The following KCNC4 variants were observed in gnomAD, a reference collection of about 807,000 sequenced individuals.
The protein encoded by KCNC4 is potassium voltage-gated channel subfamily C member 4.
In KCNC4, 23 loss-of-function variants were observed where a neutral mutation model predicts 42.8. The ratio of observed to expected loss-of-function variants is 0.54; its 90% CI spans 0.39 to 0.76. KCNC4 has a LOEUF of 0.76. Among genes scored for constraint, KCNC4 ranks in the 30% least tolerant of loss-of-function variants. KCNC4 has a pLI of 0.00. For missense variants in KCNC4, 751 were observed against 898.2 expected (o/e 0.84, Z 2.10); for synonymous variants, 422 against 393.5 (o/e 1.07, Z -0.86).
downstream of KCNC4, among the ~76,000 whole-genome samples, chr1:110,284,042 C>T (rs945017668): frequency 6.6e-6 from 1 of 152,100 alleles, no homozygotes; most frequent in Non-Finnish European, 1.5e-5. Context: ...CACAGGGATA[C>T]AAAGATCAAG....
chr1:110,212,172 G>T lies in KCNC4; in HGVS notation c.673G>T (p.Ala225Ser). The T allele has an allele frequency of 6.7e-7, 1 of 1,492,358 alleles. No homozygotes were observed. Among genetic ancestry groups the T allele is most frequent in the Non-Finnish European group, 8.8e-7 (1 of 1,137,918 alleles). 92.4% of individuals were successfully genotyped at this position (1,492,358 alleles called of 1,614,324 possible). A position where few individuals can be genotyped will look rare whatever the true frequency, so the allele number is the denominator to read the frequency against. Residue 225 changes from alanine to serine, a missense_variant, in exon 1 of 4, where the codon GCT becomes TCT. Ala to Ser is a moderately conservative substitution (Grantham distance 99). Coordinates refer to ENST00000438661, the MANE Select transcript of KCNC4 (RefSeq NM_001039574.3). The part of the protein sequence containing the change: ...LFEDPYSSRA[A>S]RVVAFASLFF... ...CGAGGATCCCTACTCCTCCCGGGCC[G>T]CTAGGGTGAGTGGCAGGAGCCCGTG...
At chr1:110,214,070 G>A (rs1657649948) in intron 1 of KCNC4, among the ~76,000 whole-genome samples, 1 of 152,194 alleles carries the variant, frequency 6.6e-6, no homozygotes, top group Non-Finnish European at 1.5e-5. Context: ...GAATGGCCAA[G>A]CCAGGGGGCC....
intron 1 of KCNC4, among the ~76,000 whole-genome samples, chr1:110,264,942 C>T (rs1490766259): frequency 6.6e-6 from 1 of 151,806 alleles, no homozygotes; most frequent in Non-Finnish European, 1.5e-5. Flanking sequence ...ATTGTCCAGG[C>T]ATGGTGGCAC....
At chr1:110,237,812 T>G (rs547380832), downstream of KCNC4, 5 of 152,276 alleles carry the variant, frequency 3.3e-5, no homozygotes, top group Non-Finnish European at 5.9e-5. Flanking sequence ...GTGTCTCCTC[T>G]AGTCTGGAGC....
exon 4 of KCNC4, chr1:110,242,126 C>T (rs1659044877): frequency 6.6e-6 from 1 of 152,468 alleles, no homozygotes; most frequent in African/African-American, 2.4e-5. Flanking sequence ...CTCACCCACG[C>T]CACCCTCACC....
intron 1 of KCNC4, among the ~76,000 whole-genome samples, chr1:110,279,182 T>C (rs1659779138): frequency 6.6e-6 from 1 of 152,190 alleles, no homozygotes; most frequent in Non-Finnish European, 1.5e-5. Context: ...CAGACATCAC[T>C]AATCATCACA....
downstream of KCNC4, among the ~76,000 whole-genome samples, chr1:110,254,097 G>T (rs982764864): frequency 7.4e-6 from 1 of 135,672 alleles, no homozygotes; most frequent in African/African-American, 2.7e-5. Flanking sequence ...AGTCGGGGGG[G>T]GGGCGGCGTT....
intron 1 of KCNC4, among the ~76,000 whole-genome samples, chr1:110,218,369 G>A (rs966484166): frequency 5.9e-5 from 9 of 152,148 alleles, no homozygotes; most frequent in African/African-American, 2.2e-4. Context: ...CGAACTCTCC[G>A]GTTCTTCGTA....
In KCNC4 at chr1:110,232,898, T is replaced by C. The variant is rs1658771099; in HGVS notation, c.1820-13T>C. ...GCGTCCCAGTGTCTCACACCTGTGCTCTTTAAACACAGAGACCTGCCAAGA... is the reference window on the plus strand; with the variant it reads ...GCGTCCCAGTGTCTCACACCTGTGCCCTTTAAACACAGAGACCTGCCAAGA... On this transcript the variant is annotated splice_polypyrimidine_tract_variant and intron_variant, in intron 3 of 3. Transcript: ENST00000438661. 3 of 1,608,832 alleles carry C rather than the reference T, an allele frequency of 1.9e-6. No homozygotes were observed. Among genetic ancestry groups the C allele is most frequent in the Admixed American group, 3.4e-5 (2 of 59,514 alleles).
At chr1:110,279,792 A>ATTTTTTTTTT (rs746438498) in intron 1 of KCNC4, among the ~76,000 whole-genome samples, 3 of 98,564 alleles carry the variant, frequency 3.0e-5, no homozygotes, top group African/African-American at 8.3e-5. Flanking sequence ...GGCTTTAGGA[A>ATTTTTTTTTT]TTTTTTTTTT....
In KCNC4 at chr1:110,223,174, C is replaced by T; in HGVS notation, c.889C>T (p.Leu297=). ...VCVLWFTLEF[L]VRIVCCPDTL... is the part of the protein sequence containing the mutation. Reference sequence around the variant, plus strand: ...TGTGCTGTGGTTCACACTGGAGTTCCTGGTGCGCATCGTGTGCTGCCCCGA... The same window carrying T: ...TGTGCTGTGGTTCACACTGGAGTTCTTGGTGCGCATCGTGTGCTGCCCCGA... Residue 297 remains leucine, a synonymous_variant, in exon 2 of 4, where the codon CTG becomes TTG. Transcript: ENST00000438661. This position sits in a 1 kb window ranked among gnomAD's most constrained non-coding sequence, Gnocchi z 7.5. The T allele has an allele frequency of 6.2e-7, 1 of 1,614,220 alleles. No individual in the cohort carries two copies. The highest frequency in any genetic ancestry group is 1.1e-5 in the South Asian group (1 of 91,086).
intron 1 of KCNC4, among the ~76,000 whole-genome samples, chr1:110,270,285 C>T (rs181589199): frequency 6.6e-6 from 1 of 152,284 alleles, no homozygotes; most frequent in Admixed American, 6.5e-5. Flanking sequence ...TGGAAATAAG[C>T]TGAGTGCAGA....
At chr1:110,242,719 GC>G (rs1334467973) in exon 4 of KCNC4, 2 of 152,246 alleles carry the variant, frequency 1.3e-5, no homozygotes, top group Non-Finnish European at 2.9e-5. Context: ...TTTACGACCA[GC>G]CCAAGCCCCC....
At chr1:110,283,202 C>T (rs889461450), downstream of KCNC4, 15 of 152,120 alleles carry the variant, frequency 9.9e-5, no homozygotes, top group African/African-American at 3.4e-4. Context: ...AGAGAGCAAG[C>T]GCTGACTACC....
rs1161518020 is a variant in KCNC4 at position 110,223,928 on chromosome 1, C to T, written c.1615+28C>T. The T allele has an allele frequency of 1.3e-6, 2 of 1,533,138 alleles. No homozygotes were observed. The highest frequency in any genetic ancestry group is 1.2e-5 in the South Asian group (1 of 81,442). 95.0% of individuals were successfully genotyped at this position (1,533,138 alleles called of 1,614,324 possible). A position where few individuals can be genotyped will look rare whatever the true frequency, so the allele number is the denominator to read the frequency against. Reference sequence around the variant, plus strand: ...GAGATTAGGGGTTGGGAAGGAAAATCCCTTTTCCCCCAGTGGCCTAGGGAG... The same window carrying T: ...GAGATTAGGGGTTGGGAAGGAAAATTCCTTTTCCCCCAGTGGCCTAGGGAG... On this transcript the variant is annotated intron_variant, in intron 2 of 3. Transcript: ENST00000438661. The surrounding 1 kb of genome is among the most constrained non-coding windows in gnomAD (Gnocchi z 7.5).
intron 1 of KCNC4, among the ~76,000 whole-genome samples, chr1:110,217,438 A>G (rs1229226027): frequency 1.3e-5 from 2 of 152,202 alleles, no homozygotes; most frequent in Non-Finnish European, 2.9e-5. Flanking sequence ...GAGCTAAACC[A>G]TATGCAGCGT....
At chr1:110,212,410 C>T (rs1463902155) in intron 1 of KCNC4, among the ~76,000 whole-genome samples, 1 of 152,198 alleles carries the variant, frequency 6.6e-6, no homozygotes, top group Non-Finnish European at 1.5e-5. Context: ...TACTTGGACC[C>T]AGTCCCAGCT....
At chr1:110,217,697 G>A (rs1423140090) in intron 1 of KCNC4, among the ~76,000 whole-genome samples, 1 of 152,162 alleles carries the variant, frequency 6.6e-6, no homozygotes, top group African/African-American at 2.4e-5. Flanking sequence ...CTGGACACTG[G>A]GACCAGAAGG....
chr1:110,250,082 AT>A (rs1659223709), downstream of KCNC4, among the ~76,000 whole-genome samples: 1 of 152,220 alleles, frequency 6.6e-6, no homozygotes, highest in African/African-American at 2.4e-5. Flanking sequence ...GGAATGGGTC[AT>A]CACTCCTTTT....
Sources: allele counts gnomAD v4.1 joint callset (sites outside exome capture counted in the v4.1 genomes callset), GRCh38; gene constraint gnomAD v4.1.1; non-coding constraint Gnocchi (gnomAD v3.1); transcripts MANE v1.5; gene names NCBI Gene and HGNC (gene_info 2026-07-23, HGNC 2026-07-21).